The following PCLO variants were observed in gnomAD, a reference collection of about 807,000 sequenced individuals.
PCLO encodes the protein protein piccolo.
In PCLO, 82 loss-of-function variants were observed where a neutral mutation model predicts 427.5. That is an observed-to-expected ratio of 0.19 (90% CI 0.16 to 0.23). PCLO has a LOEUF of 0.23. Among genes scored for constraint, PCLO ranks in the 10% least tolerant of loss-of-function variants. The pLI is 1.00. For synonymous variants in PCLO, 2,357 were observed against 2,155.4 expected (o/e 1.09, Z -2.59); for missense variants, 6,239 against 6,115.9 (o/e 1.02, Z -0.67).
At chr7:82,980,562 C>T (rs944811980) in intron 3 of PCLO, among the ~76,000 whole-genome samples, 2 of 152,096 alleles carry the variant, frequency 1.3e-5, no homozygotes, top group African/African-American at 4.8e-5. Context: ...GCTCAGTGGG[C>T]TTGGCTGAAA....
In PCLO at chr7:82,953,526, G is replaced by GT; in HGVS notation, c.7426dup (p.Thr2476AsnfsTer14). 1 of 1,613,350 alleles carries GT rather than the reference G, an allele frequency of 6.2e-7. No individual in the cohort carries two copies. The highest frequency in any genetic ancestry group is 8.5e-7 in the Non-Finnish European group (1 of 1,179,652). On this transcript the variant is annotated frameshift_variant, in exon 5 of 25. Transcript: ENST00000333891. LOFTEE classifies it high-confidence loss of function. ...AGGAGGTGCAGTAGTACATATTCTT[G>GT]TAACAGGTAATCCATTACTTCTCAG... is the stretch of plus-strand genomic sequence containing the variant.
intron 2 of PCLO, among the ~76,000 whole-genome samples, chr7:83,140,997 A>T (rs374196227): frequency 1.2e-4 from 18 of 152,148 alleles, no homozygotes; most frequent in African/African-American, 4.3e-4. Flanking sequence ...AGTCCTTATC[A>T]CTTCCTCCCC....
intron 3 of PCLO, among the ~76,000 whole-genome samples, chr7:83,022,665 C>T (rs539525200): frequency 2.0e-5 from 3 of 152,114 alleles, no homozygotes; most frequent in Non-Finnish European, 2.9e-5. Flanking sequence ...TCAAAATAGA[C>T]ACGCTGATCT....
At chr7:82,802,862 A>G (rs1331932663) in intron 21 of PCLO, among the ~76,000 whole-genome samples, 1 of 152,172 alleles carries the variant, frequency 6.6e-6, no homozygotes, top group African/African-American at 2.4e-5. Context: ...TTCCGCACAT[A>G]ATAAAAGAAC....
chr7:83,085,682 A>T (rs542482209), intron 3 of PCLO, among the ~76,000 whole-genome samples: 1 of 152,274 alleles, frequency 6.6e-6, no homozygotes, highest in Admixed American at 6.5e-5. Flanking sequence ...TTTCCTTTTT[A>T]AAAAATGAAT....
chr7:83,083,998 C>CA (rs1790168960), intron 3 of PCLO, among the ~76,000 whole-genome samples: 1 of 152,112 alleles, frequency 6.6e-6, no homozygotes, highest in Non-Finnish European at 1.5e-5. Context: ...GGAAACTCAT[C>CA]AGAGCAGCCC....
intron 20 of PCLO, among the ~76,000 whole-genome samples, chr7:82,812,242 A>G (rs374971662): frequency 1.3e-5 from 2 of 151,668 alleles, no homozygotes; most frequent in African/African-American, 2.4e-5. Flanking sequence ...TTTATAGATA[A>G]TAAGATCAAT....
At chr7:83,011,184 T>C (rs1441438215) in intron 3 of PCLO, among the ~76,000 whole-genome samples, 1 of 152,054 alleles carries the variant, frequency 6.6e-6, no homozygotes, top group African/African-American at 2.4e-5. Context: ...TTTATTTACC[T>C]TGTCTTCTCA....
At chr7:83,103,097 G>C (rs1246888505) in intron 3 of PCLO, among the ~76,000 whole-genome samples, 1 of 151,860 alleles carries the variant, frequency 6.6e-6, no homozygotes, top group Non-Finnish European at 1.5e-5. Context: ...AGGCTTTAAT[G>C]TAATAATTTT....
chr7:82,906,528 C>T (rs1261777209), intron 8 of PCLO, among the ~76,000 whole-genome samples: 1 of 151,836 alleles, frequency 6.6e-6, no homozygotes. Flanking sequence ...TTATATAATT[C>T]AACTTTTGAA....
chr7:82,813,497 C>A (rs1262443178), intron 20 of PCLO, among the ~76,000 whole-genome samples: 1 of 151,642 alleles, frequency 6.6e-6, no homozygotes, highest in Non-Finnish European at 1.5e-5. Flanking sequence ...AAATGTAAAT[C>A]AGTGACCAAT....
chr7:83,050,054 C>T (rs1290104915), intron 3 of PCLO, among the ~76,000 whole-genome samples: 1 of 150,522 alleles, frequency 6.6e-6, no homozygotes, highest in Non-Finnish European at 1.5e-5. Flanking sequence ...CTCCAGTCCT[C>T]TGTTCTCGGT....
At chr7:83,122,984 A>C (rs975351325) in intron 3 of PCLO, among the ~76,000 whole-genome samples, 1 of 152,226 alleles carries the variant, frequency 6.6e-6, no homozygotes, top group Non-Finnish European at 1.5e-5. Context: ...CAAATTGGAA[A>C]GGACACAAAA....
chr7:82,867,342 T>A (rs192481798), intron 10 of PCLO, among the ~76,000 whole-genome samples: 73 of 152,350 alleles, frequency 4.8e-4, no homozygotes, highest in Non-Finnish European at 8.8e-4. Context: ...CTAAATTTGA[T>A]AACAATTTTG....
Position 82,952,632 on chromosome 7 carries a change from G to C in PCLO, c.8321C>G (p.Ser2774Cys). The C allele has an allele frequency of 1.2e-6, 2 of 1,613,946 alleles. No homozygotes were observed. Among genetic ancestry groups the C allele is most frequent in the South Asian group, 1.1e-5 (1 of 91,088 alleles). ...TGATGTCACACTAAGATTTATAATA[G>C]AGGGTTGGACAGCACTAATTTGTTT... is the stretch of plus-strand genomic sequence containing the variant. ...YGKQISAVQP[S>C]IINLSVTSSI... The change falls in exon 5 of 25, where the codon TCT (serine) becomes TGT (cysteine). Residue 2774 changes from serine (S) to cysteine (C), a missense_variant. This residue lies in a region of PCLO where 4,677 missense variants were observed against 4,468.4 expected (regional missense o/e 1.05). Coordinates refer to ENST00000333891, the MANE Select transcript of PCLO (RefSeq NM_033026.6).
chr7:83,109,608 A>G (rs1236930537), intron 3 of PCLO, among the ~76,000 whole-genome samples: 2 of 152,158 alleles, frequency 1.3e-5, no homozygotes, highest in Non-Finnish European at 2.9e-5. Context: ...CTTCTGTGAC[A>G]TTAACATTAT....
chr7:83,160,750 G>A (rs539897502), intron 1 of PCLO, among the ~76,000 whole-genome samples: 1 of 152,210 alleles, frequency 6.6e-6, no homozygotes, highest in South Asian at 2.1e-4. Flanking sequence ...AGAAAAGTTA[G>A]AAATCTAGAA....
intron 17 of PCLO, among the ~76,000 whole-genome samples, chr7:82,827,465 C>T (rs1184453603): frequency 1.3e-5 from 2 of 151,962 alleles, no homozygotes; most frequent in African/African-American, 4.8e-5. Flanking sequence ...AAAATATTGT[C>T]TAGTGGAGTA....
At chr7:83,039,833 A>T (rs1788927928) in intron 3 of PCLO, among the ~76,000 whole-genome samples, 1 of 152,106 alleles carries the variant, frequency 6.6e-6, no homozygotes. Context: ...TTAACATGGG[A>T]TGTTGTCTTT....
Sources: allele counts gnomAD v4.1 joint callset (sites outside exome capture counted in the v4.1 genomes callset), GRCh38; gene constraint gnomAD v4.1.1; regional missense constraint gnomAD v4.1.1; transcripts MANE v1.5; gene names NCBI Gene and HGNC (gene_info 2026-07-23, HGNC 2026-07-21).